The following STAU2 variants were observed in gnomAD, a reference collection of about 807,000 sequenced individuals.
STAU2 encodes the protein staufen double-stranded RNA binding protein 2, also known as double-stranded RNA-binding protein Staufen homolog 2.
Under a neutral mutation model 65.9 loss-of-function variants are expected in STAU2, and 20 were observed. That is an observed-to-expected ratio of 0.30 (90% CI 0.21 to 0.44). The LOEUF (loss-of-function observed/expected upper bound fraction) is 0.44, where lower values mean the gene tolerates loss of function less well. STAU2 is among the 20% of genes least tolerant of loss of function. The pLI, the probability that STAU2 is intolerant of heterozygous loss-of-function variation, is 1.00. For synonymous variants in STAU2, 232 were observed against 233.9 expected (o/e 0.99, Z 0.07); for missense variants, 558 against 683.9 (o/e 0.82, Z 2.05).
At chr8:73,483,140 A>C (rs1288073979) in intron 13 of STAU2, among the ~76,000 whole-genome samples, 1 of 152,126 alleles carries the variant, frequency 6.6e-6, no homozygotes, top group Non-Finnish European at 1.5e-5. Flanking sequence ...TAGTAGCATA[A>C]AAATGGAGTT....
chr8:73,642,208 T>G (rs1186301716), intron 6 of STAU2, among the ~76,000 whole-genome samples: 3 of 152,158 alleles, frequency 2.0e-5, no homozygotes, highest in Non-Finnish European at 4.4e-5. Context: ...TATGCAAACA[T>G]GGTCAGGTCT....
At position 73,595,230 on chromosome 8, in the gene STAU2, G is replaced by A; in HGVS notation, c.1097C>T (p.Ala366Val). 6.2e-7 allele frequency: 1 copy of A among 1,611,768 alleles called. No individual in the cohort carries two copies. The highest frequency in any genetic ancestry group is 8.5e-7 in the Non-Finnish European group (1 of 1,179,068). Residue 366 changes from alanine to valine, a missense_variant, in exon 11 of 15, where the codon GCA (alanine) becomes GTA (valine). Ala to Val is a moderately conservative substitution (Grantham distance 64, BLOSUM62 0). Transcript: ENST00000524300. The part of the protein sequence containing the change: ...PNKKIAKKNA[A>V]EAMLLQLGYK... ...ACCAAGTTGTAACAGCATTGCTTCT[G>A]CAGCATTTTTTTTGGCTATCTTTTT...
intron 6 of STAU2, among the ~76,000 whole-genome samples, chr8:73,647,989 A>G (rs56190725): frequency 0.2 from 31,123 of 152,144 alleles, 3,558 homozygotes; most frequent in East Asian, 0.37. Flanking sequence ...GGTTTGAAAT[A>G]TTGTCCTACA....
intron 11 of STAU2, among the ~76,000 whole-genome samples, chr8:73,585,672 C>G (rs1810316486): frequency 6.6e-6 from 1 of 152,220 alleles, no homozygotes; most frequent in East Asian, 1.9e-4. Context: ...CCAGCAAGCA[C>G]AAAGTACAGT....
rs1253292366 is a variant in STAU2 at position 73,456,324 on chromosome 8, G to A, written c.1531-33622C>T. On this transcript the variant is annotated intron_variant, in intron 13 of 14. Coordinates refer to ENST00000524300, the MANE Select transcript of STAU2 (RefSeq NM_001164380.2). ...TTTAAATAGGGCCTCTTTAAAACAG[G>A]TGAACCTAAATTAATCCAGTGTAAG... Among the ~76,000 whole-genome samples, 4 of 152,160 alleles carry A rather than the reference G, an allele frequency of 2.6e-5. No homozygotes were observed. In the East Asian group the frequency reaches 7.7e-4, roughly 29 times the overall value.
intron 9 of STAU2, among the ~76,000 whole-genome samples, chr8:73,609,992 C>G (rs985827614): frequency 6.6e-5 from 10 of 152,052 alleles, no homozygotes; most frequent in African/African-American, 2.2e-4. Context: ...TTAAGAATTG[C>G]TTGGGGCTGG....
At position 73,533,642 on chromosome 8, in the gene STAU2, T is replaced by A. The variant is rs750700281; in HGVS notation, c.1530+18370A>T. The stretch of plus-strand genomic sequence containing the variant: ...AAGGCACTGTGGTTCACACCTGTAA[T>A]CCCAGCACTTTACAAGGCCAAGGTG... On this transcript the variant is annotated intron_variant, in intron 13 of 14. Transcript: ENST00000524300. Among the ~76,000 whole-genome samples the A allele has an allele frequency of 4.6e-5, 7 of 152,154 alleles. 1 individual carries two copies. Among genetic ancestry groups the A allele is most frequent in the Non-Finnish European group, 7.3e-5 (5 of 68,030 alleles).
chr8:73,683,913 G>C (rs927789452), intron 5 of STAU2, among the ~76,000 whole-genome samples: 3 of 152,178 alleles, frequency 2.0e-5, no homozygotes, highest in African/African-American at 4.8e-5. Context: ...AAGGTGGAAA[G>C]AACTCTACGA....
intron 1 of STAU2, among the ~76,000 whole-genome samples, chr8:73,743,809 T>A (rs1477087834): frequency 7.2e-6 from 1 of 138,876 alleles, no homozygotes; most frequent in Admixed American, 7.5e-5. Flanking sequence ...TCTCACTCTG[T>A]CACCCAGGCT....
chr8:73,466,546 A>T (rs1585814361), intron 13 of STAU2, among the ~76,000 whole-genome samples: 1 of 152,270 alleles, frequency 6.6e-6, no homozygotes, highest in Non-Finnish European at 1.5e-5. Flanking sequence ...GACACAGAAG[A>T]GGGGGAAAGG....
intron 13 of STAU2, among the ~76,000 whole-genome samples, chr8:73,518,584 G>A (rs1223864299): frequency 1.6e-4 from 24 of 152,198 alleles, no homozygotes; most frequent in Admixed American, 7.8e-4. Context: ...CACATGTCAC[G>A]AAATACTATT....
intron 13 of STAU2, chr8:73,550,657 CAG>C (rs1807267296): frequency 2.0e-6 from 2 of 982,296 alleles, no homozygotes; most frequent in Admixed American, 6.2e-5. Flanking sequence ...CTTTTTTAAA[CAG>C]TGATTTATTG....
intron 13 of STAU2, among the ~76,000 whole-genome samples, chr8:73,508,227 A>G (rs887298782): frequency 2.0e-5 from 3 of 152,182 alleles, no homozygotes; most frequent in Non-Finnish European, 4.4e-5. Flanking sequence ...CTTCCTCACT[A>G]AGCTTAATCA....
At chr8:73,701,413 C>T (rs1039882402) in intron 4 of STAU2, among the ~76,000 whole-genome samples, 1 of 151,996 alleles carries the variant, frequency 6.6e-6, no homozygotes, top group Non-Finnish European at 1.5e-5. Context: ...ATATAAGAAG[C>T]TCAAATAACT....
At chr8:73,633,802 G>A (rs1586161955) in intron 6 of STAU2, among the ~76,000 whole-genome samples, 1 of 152,240 alleles carries the variant, frequency 6.6e-6, no homozygotes, top group African/African-American at 2.4e-5. Flanking sequence ...ACAACATGGT[G>A]AAACCCCATT....
At chr8:73,683,227 C>A (rs1400836662) in intron 5 of STAU2, among the ~76,000 whole-genome samples, 1 of 152,084 alleles carries the variant, frequency 6.6e-6, no homozygotes, top group Non-Finnish European at 1.5e-5. Flanking sequence ...AAAATATAAG[C>A]TAACTGAATC....
chr8:73,547,208 G>A (rs114977784), intron 13 of STAU2, among the ~76,000 whole-genome samples: 3,892 of 152,240 alleles, frequency 0.026, 174 homozygotes, highest in African/African-American at 0.084. Flanking sequence ...GTGCATAAAG[G>A]CTCAAAATAA....
intron 13 of STAU2, among the ~76,000 whole-genome samples, chr8:73,497,512 A>G (rs1821490829): frequency 6.6e-6 from 1 of 151,698 alleles, no homozygotes; most frequent in South Asian, 2.1e-4. Flanking sequence ...CAGGTGATAT[A>G]AAAGCTGATA....
intron 4 of STAU2, among the ~76,000 whole-genome samples, chr8:73,704,622 T>C (rs867908564): frequency 6.6e-6 from 1 of 152,200 alleles, no homozygotes; most frequent in Non-Finnish European, 1.5e-5. Context: ...TGGCAAAATA[T>C]TCAACGTTGG....
Sources: allele counts gnomAD v4.1 joint callset (sites outside exome capture counted in the v4.1 genomes callset), GRCh38; gene constraint gnomAD v4.1.1; transcripts MANE v1.5; gene names NCBI Gene and HGNC (gene_info 2026-07-23, HGNC 2026-07-21).